Variants in DPP10 observed in about 807,000 individuals in gnomAD.
The protein encoded by DPP10 is dipeptidyl peptidase like 10, also known as inactive dipeptidyl peptidase 10.
A neutral mutation model predicts 120.9 loss-of-function variants in DPP10; 33 were observed. The observed-to-expected ratio is 0.27, with a 90% CI of 0.21 to 0.37. The LOEUF (loss-of-function observed/expected upper bound fraction) is 0.37. DPP10 is among the 10% of genes least tolerant of loss of function. The pLI is 1.00. For synonymous variants in DPP10, 337 were observed against 326.1 expected, an observed-to-expected ratio of 1.03 and a Z score of -0.36; for missense variants, 816 against 942.8, an observed-to-expected ratio of 0.87 and a Z score of 1.76.
intron 19 of DPP10, among the ~76,000 whole-genome samples, chr2:115,794,110 G>C (rs564252504): frequency 6.6e-6 from 1 of 152,072 alleles, no homozygotes. Context: ...TGAGCAATTA[G>C]ACAGTGATAA....
intron 1 of DPP10, among the ~76,000 whole-genome samples, chr2:115,022,800 G>A (rs1703169452): frequency 2.0e-5 from 3 of 152,012 alleles, no homozygotes; most frequent in South Asian, 4.1e-4. Flanking sequence ...TATGAAAAAG[G>A]GACAGAGACT....
At chr2:115,587,866 T>C (rs912665356) in intron 5 of DPP10, among the ~76,000 whole-genome samples, 53 of 152,348 alleles carry the variant, frequency 3.5e-4, no homozygotes, top group African/African-American at 1.3e-3. Context: ...TTAGGCATAC[T>C]AAGTTTTTAT....
At chr2:115,810,927 C>T (rs1686575103) in intron 19 of DPP10, among the ~76,000 whole-genome samples, 1 of 152,170 alleles carries the variant, frequency 6.6e-6, no homozygotes, top group Non-Finnish European at 1.5e-5. Flanking sequence ...ACACATGAGT[C>T]GTGGTACCCA....
intron 1 of DPP10, among the ~76,000 whole-genome samples, chr2:114,512,262 GGGTCTTTTCCA>G (rs1684211255): frequency 6.6e-6 from 1 of 152,118 alleles, no homozygotes; most frequent in Non-Finnish European, 1.5e-5. Flanking sequence ...GTTATTTTAA[GGGTCTTTTCCA>G]GTCTGCAAGA....
chr2:115,252,573 C>T (rs71418540), intron 1 of DPP10, among the ~76,000 whole-genome samples: 7,468 of 152,194 alleles, frequency 0.049, 283 homozygotes, highest in East Asian at 0.19. Flanking sequence ...TTATTGAGAA[C>T]ATCGTTTTCC....
intron 1 of DPP10, among the ~76,000 whole-genome samples, chr2:115,229,986 A>G (rs561537899): frequency 6.6e-6 from 1 of 151,918 alleles, no homozygotes; most frequent in Admixed American, 6.6e-5. Context: ...TAGGAATTGC[A>G]CTGAATCTCC....
At chr2:115,214,902 C>T (rs2056727516) in intron 1 of DPP10, among the ~76,000 whole-genome samples, 1 of 152,196 alleles carries the variant, frequency 6.6e-6, no homozygotes, top group South Asian at 2.1e-4. Context: ...CTTTGGCTCT[C>T]ATTTTTTTAT....
chr2:115,005,945 A>G lies in DPP10; in HGVS notation c.61-303294A>G, dbSNP rs992184214. Among the ~76,000 whole-genome samples, 526 of 152,284 alleles carry G rather than the reference A, an allele frequency of 3.5e-3. 3 individuals are homozygous for G. The highest frequency in any genetic ancestry group is 0.012 in the African/African-American group (505 of 41,556). On this transcript the variant is annotated intron_variant, in intron 1 of 25. Transcript: ENST00000410059. The stretch of plus-strand genomic sequence containing the variant: ...TTCACCAAAGTTGAAATGAAGGAAA[A>G]AATGTTAAGGGCAGCCAGAGAGAAA...
chr2:115,254,342 G>A (rs1043235456), intron 1 of DPP10, among the ~76,000 whole-genome samples: 14 of 152,062 alleles, frequency 9.2e-5, no homozygotes, highest in African/African-American at 3.4e-4. Context: ...ACAGGATGAG[G>A]GGAGTGACCC....
At chr2:114,515,601 CA>C (rs1305380133) in intron 1 of DPP10, among the ~76,000 whole-genome samples, 2 of 151,658 alleles carry the variant, frequency 1.3e-5, no homozygotes, top group East Asian at 1.9e-4. Flanking sequence ...ATTGTGTATC[CA>C]AAAAAAAGTT....
At chr2:115,133,958 C>G (rs185932634) in intron 1 of DPP10, among the ~76,000 whole-genome samples, 2 of 152,296 alleles carry the variant, frequency 1.3e-5, no homozygotes, top group Admixed American at 1.3e-4. Context: ...ACAGGAATTG[C>G]TTTGTCCCCA....
intron 1 of DPP10, among the ~76,000 whole-genome samples, chr2:115,308,994 C>A (rs1281111552): frequency 6.6e-6 from 1 of 151,878 alleles, no homozygotes; most frequent in Non-Finnish European, 1.5e-5. Flanking sequence ...ATTTTTACAC[C>A]ATCTACATTT....
intron 1 of DPP10, among the ~76,000 whole-genome samples, chr2:114,519,796 C>T (rs997775278): frequency 2.0e-5 from 3 of 152,126 alleles, no homozygotes; most frequent in African/African-American, 7.2e-5. Context: ...AATTTATTGG[C>T]TTTAGATGGC....
intron 1 of DPP10, among the ~76,000 whole-genome samples, chr2:114,505,410 T>G (rs1683561529): frequency 6.6e-6 from 1 of 152,004 alleles, no homozygotes; most frequent in South Asian, 2.1e-4. Flanking sequence ...GATTAGAGTG[T>G]TCCTCTTTTC....
intron 3 of DPP10, among the ~76,000 whole-genome samples, chr2:115,354,428 T>G (rs1191087735): frequency 6.6e-6 from 1 of 152,136 alleles, no homozygotes; most frequent in African/African-American, 2.4e-5. Context: ...GGTATTTGGT[T>G]TTTTGTTTTG....
intron 1 of DPP10, among the ~76,000 whole-genome samples, chr2:114,719,952 C>T (rs778986859): frequency 9.2e-5 from 14 of 152,182 alleles, no homozygotes; most frequent in Non-Finnish European, 1.9e-4. Context: ...TGACAAAAGT[C>T]TGTCAGGTGT....
chr2:115,146,071 A>G (rs2051208075), intron 1 of DPP10, among the ~76,000 whole-genome samples: 1 of 152,132 alleles, frequency 6.6e-6, no homozygotes, highest in Non-Finnish European at 1.5e-5. Flanking sequence ...TTTTCAGGAA[A>G]AAAATCCTGA....
chr2:115,036,504 C>T (rs1446749879), intron 1 of DPP10, among the ~76,000 whole-genome samples: 1 of 152,158 alleles, frequency 6.6e-6, no homozygotes, highest in African/African-American at 2.4e-5. Context: ...TCCTTTTAAA[C>T]AAACACTTTA....
intron 1 of DPP10, chr2:114,707,248 T>C (rs1213945497): frequency 6.6e-6 from 1 of 151,542 alleles, no homozygotes; most frequent in Non-Finnish European, 1.5e-5. Flanking sequence ...TAAGAATGCA[T>C]TAGTAATAGA....
Sources: allele counts gnomAD v4.1 joint callset (sites outside exome capture counted in the v4.1 genomes callset), GRCh38; gene constraint gnomAD v4.1.1; transcripts MANE v1.5; gene names NCBI Gene and HGNC (gene_info 2026-07-23, HGNC 2026-07-21).